The following ADORA2B variants were observed in gnomAD, a reference collection of about 807,000 sequenced individuals.
ADORA2B encodes the protein adenosine A2b receptor, also known as adenosine receptor A2b.
Under a neutral mutation model 20.8 loss-of-function variants are expected in ADORA2B, and 18 were observed. That is an observed-to-expected ratio of 0.87 (90% CI 0.60 to 1.29). ADORA2B has a LOEUF of 1.29. Among genes scored for constraint, ADORA2B ranks in the 50% most tolerant of loss-of-function variants. ADORA2B has a pLI of 0.00. For missense variants in ADORA2B, 441 were observed against 422.7 expected (o/e 1.04, Z -0.38); for synonymous variants, 179 against 178.3 (o/e 1.00, Z -0.03).
chr17:15,860,248 C>T, the ADORA2B span, among the ~76,000 whole-genome samples: 2 of 152,270 alleles, frequency 1.3e-5, no homozygotes, highest in African/African-American at 2.4e-5. Context: ...TGCTGATGCT[C>T]CCAGACGAAT....
At chr17:15,944,569 A>C (rs2779197), upstream of ADORA2B, among the ~76,000 whole-genome samples, 143,409 of 152,094 alleles carry the variant, frequency 0.94, 67,994 homozygotes, top group Non-Finnish European at 0.99. The surrounding 1 kb of genome is among the most constrained non-coding windows in gnomAD (Gnocchi z 4.8). Context: ...AGGCGGCCGG[A>C]GGGGGCTGCA....
chr17:15,921,348 C>A, the ADORA2B span, among the ~76,000 whole-genome samples: 1 of 152,324 alleles, frequency 6.6e-6, no homozygotes, highest in East Asian at 1.9e-4. Flanking sequence ...CTGCTGCTAA[C>A]AAAGCACCAC....
the ADORA2B span, among the ~76,000 whole-genome samples, chr17:15,913,957 A>G: frequency 6.6e-6 from 1 of 152,166 alleles, no homozygotes; most frequent in African/African-American, 2.4e-5. Context: ...GACAACACAT[A>G]TGGCTGGAGA....
chr17:15,873,918 A>G, the ADORA2B span, among the ~76,000 whole-genome samples: 2 of 152,262 alleles, frequency 1.3e-5, no homozygotes, highest in East Asian at 1.9e-4. Flanking sequence ...AAAAGAAGTC[A>G]TTATATGGAA....
At chr17:15,939,391 T>G in the ADORA2B span, among the ~76,000 whole-genome samples, 2 of 152,170 alleles carry the variant, frequency 1.3e-5, no homozygotes, top group Non-Finnish European at 1.5e-5. Flanking sequence ...CTTCTGTCTT[T>G]TCACACAACT....
chr17:15,877,796 G>A, the ADORA2B span, among the ~76,000 whole-genome samples: 8 of 152,058 alleles, frequency 5.3e-5, no homozygotes, highest in Admixed American at 2.6e-4. Context: ...TTCATCCCCC[G>A]ACCTGAAGCA....
At chr17:15,923,209 T>C in the ADORA2B span, among the ~76,000 whole-genome samples, 29 of 139,298 alleles carry the variant, frequency 2.1e-4, no homozygotes, top group African/African-American at 7.5e-4. Context: ...TTTTTTAATT[T>C]TTTTTTTTTT....
chr17:15,964,681 CTATT>C (rs1231787396), intron 1 of ADORA2B, among the ~76,000 whole-genome samples: 7 of 148,122 alleles, frequency 4.7e-5, no homozygotes, highest in African/African-American at 7.5e-5. Context: ...ATTAAAATTT[CTATT>C]TATTTTTCTG....
the ADORA2B span, among the ~76,000 whole-genome samples, chr17:15,891,574 T>C: frequency 6.6e-6 from 1 of 152,208 alleles, no homozygotes; most frequent in African/African-American, 2.4e-5. Flanking sequence ...ACAGCTGTAA[T>C]AATAAAGACC....
the ADORA2B span, among the ~76,000 whole-genome samples, chr17:15,864,360 C>T: frequency 6.6e-6 from 1 of 152,194 alleles, no homozygotes; most frequent in African/African-American, 2.4e-5. Context: ...GCTGCATCTC[C>T]CTAGGGAAGG....
the ADORA2B span, among the ~76,000 whole-genome samples, chr17:15,924,892 G>C: frequency 6.7e-6 from 1 of 149,780 alleles, no homozygotes; most frequent in Non-Finnish European, 1.5e-5. Flanking sequence ...TAAAGAGACA[G>C]AGTCTTGCTC....
the ADORA2B span, among the ~76,000 whole-genome samples, chr17:15,920,873 G>T: frequency 6.6e-6 from 1 of 152,230 alleles, no homozygotes; most frequent in Non-Finnish European, 1.5e-5. Flanking sequence ...ACAGCAGGGG[G>T]CCAACGGGAT....
intron 1 of ADORA2B, among the ~76,000 whole-genome samples, chr17:15,972,790 T>G (rs1970204757): frequency 6.6e-6 from 1 of 152,180 alleles, no homozygotes; most frequent in South Asian, 2.1e-4. Flanking sequence ...TCTTGCTCTG[T>G]CACCCAGGCT....
the ADORA2B span, among the ~76,000 whole-genome samples, chr17:15,915,257 T>C: frequency 6.6e-6 from 1 of 152,216 alleles, no homozygotes; most frequent in South Asian, 2.1e-4. Flanking sequence ...ACATCTCCCC[T>C]GGTTCTCTGC....
chr17:15,856,939 C>T, the ADORA2B span, among the ~76,000 whole-genome samples: 2 of 152,208 alleles, frequency 1.3e-5, no homozygotes, highest in African/African-American at 2.4e-5. Context: ...GAATGTTAAT[C>T]ACCAAAACAG....
the ADORA2B span, among the ~76,000 whole-genome samples, chr17:15,893,005 C>T: frequency 6.6e-6 from 1 of 152,278 alleles, no homozygotes; most frequent in African/African-American, 2.4e-5. Context: ...CTCTACATTC[C>T]CCCGTCTGGA....
At chr17:15,920,550 G>C in the ADORA2B span, among the ~76,000 whole-genome samples, 1 of 151,868 alleles carries the variant, frequency 6.6e-6, no homozygotes, top group African/African-American at 2.4e-5. Context: ...GTGAAACCCC[G>C]TCTCTACTAA....
At chr17:15,930,280 T>C in the ADORA2B span, among the ~76,000 whole-genome samples, 1 of 149,306 alleles carries the variant, frequency 6.7e-6, no homozygotes, top group Non-Finnish European at 1.5e-5. Context: ...TTGGTTTATG[T>C]GTCTCCTTTT....
chr17:15,859,224 C>T, the ADORA2B span, among the ~76,000 whole-genome samples: 2 of 152,122 alleles, frequency 1.3e-5, no homozygotes, highest in African/African-American at 4.8e-5. Flanking sequence ...TTAGCCCCCT[C>T]CAGGCACCTG....
Sources: allele counts gnomAD v4.1 joint callset (sites outside exome capture counted in the v4.1 genomes callset), GRCh38; gene constraint gnomAD v4.1.1; non-coding constraint Gnocchi (gnomAD v3.1); transcripts MANE v1.5; gene names NCBI Gene and HGNC (gene_info 2026-07-23, HGNC 2026-07-21).